FBXO11: variants seen among roughly 807,000 people sequenced by gnomAD.
The protein encoded by FBXO11 is F-box only protein 11.
In FBXO11, 13 loss-of-function variants were observed where a neutral mutation model predicts 117.0. That is an observed-to-expected ratio of 0.11 (90% CI 0.07 to 0.18). The LOEUF (loss-of-function observed/expected upper bound fraction) is 0.18, where lower values mean the gene tolerates loss of function less well. FBXO11 is among the 10% of genes least tolerant of loss of function. FBXO11 has a pLI of 1.00. For synonymous variants in FBXO11, 490 were observed against 380.5 expected (o/e 1.29, Z -3.35); for missense variants, 767 against 1,164.4 (o/e 0.66, Z 4.97).
At chr2:47,857,715 G>A (rs953660664) in intron 1 of FBXO11, among the ~76,000 whole-genome samples, 6 of 152,126 alleles carry the variant, frequency 3.9e-5, no homozygotes, top group African/African-American at 9.7e-5. Flanking sequence ...GCTTTGTCAC[G>A]AGAAGTCACA....
rs1572806551 is a variant in FBXO11 at position 47,832,846 on chromosome 2, T to C, written c.1076A>G (p.Asn359Ser). 1.2e-6 allele frequency: 2 copies of C among 1,614,044 alleles called. No individual in the cohort carries two copies. Among genetic ancestry groups the C allele is most frequent in the Non-Finnish European group, 1.7e-6 (2 of 1,179,956 alleles). The change falls in exon 9 of 23, where the codon AAT becomes AGT. Residue 359 changes from asparagine to serine, a missense_variant. This residue lies in a region of FBXO11 where 123 missense variants were observed against 145.0 expected (regional missense o/e 0.85). Transcript: ENST00000403359. The part of the protein sequence containing the change: ...NPDDKSAQHH[N>S]AHHCLEITVN... ...TGTAATCTCTAAGCAGTGGTGTGCA[T>C]TGTGGTGTTGTGCAGATTTGTCATC... is the stretch of plus-strand genomic sequence containing the variant.
At chr2:47,822,745 T>C (rs1038038777) in intron 12 of FBXO11, among the ~76,000 whole-genome samples, 1 of 152,246 alleles carries the variant, frequency 6.6e-6, no homozygotes, top group African/African-American at 2.4e-5. Flanking sequence ...TTTTAGTCTT[T>C]CTGGCCAAGA....
intron 1 of FBXO11, chr2:47,888,737 T>A: frequency 1.2e-6 from 1 of 850,296 alleles, no homozygotes; most frequent in Non-Finnish European, 1.4e-6. Flanking sequence ...CATGTGTTTA[T>A]ACACACCCAA....
chr2:47,896,786 C>T (rs1378997873), intron 1 of FBXO11, among the ~76,000 whole-genome samples: 1 of 152,170 alleles, frequency 6.6e-6, no homozygotes, highest in African/African-American at 2.4e-5. Context: ...ATAGTGGCTA[C>T]TTTTATGTAT....
chr2:47,885,478 G>C (rs1416581283), intron 1 of FBXO11, among the ~76,000 whole-genome samples: 1 of 152,100 alleles, frequency 6.6e-6, no homozygotes, highest in Non-Finnish European at 1.5e-5. Flanking sequence ...GGGAGGCTGA[G>C]GCACGAGAAA....
intron 1 of FBXO11, among the ~76,000 whole-genome samples, chr2:47,886,930 T>C (rs1676896772): frequency 6.6e-6 from 1 of 152,096 alleles, no homozygotes; most frequent in African/African-American, 2.4e-5. Context: ...TTCCAGCTAA[T>C]CGAGAGGCAG....
At chr2:47,864,110 C>T (rs1334641608) in intron 1 of FBXO11, among the ~76,000 whole-genome samples, 2 of 152,158 alleles carry the variant, frequency 1.3e-5, no homozygotes, top group Non-Finnish European at 2.9e-5. Flanking sequence ...TTTACAAAGG[C>T]ATGTGACTTC....
At position 47,807,275 on chromosome 2, in the gene FBXO11, T is replaced by C; in HGVS notation, c.*843A>G. On this transcript the variant is annotated 3_prime_UTR_variant, in exon 23 of 23. Transcript: ENST00000403359. ...GACTGTTTGTTTTGAAGAGACTTTC[T>C]AAAGTGTACTTAAAACATAGTAGTT... The C allele has an allele frequency of 4.5e-6, 1 of 223,434 alleles. No individual in the cohort carries two copies. The highest frequency in any genetic ancestry group is 2.2e-5 in the African/African-American group (1 of 44,616). 13.8% of individuals were successfully genotyped at this position (223,434 alleles called of 1,614,324 possible).
chr2:47,841,464 T>C (rs946431586), intron 1 of FBXO11, among the ~76,000 whole-genome samples: 3 of 152,282 alleles, frequency 2.0e-5, no homozygotes, highest in African/African-American at 4.8e-5. Context: ...ATATCTCCTA[T>C]ACCACTACCT....
intron 18 of FBXO11, among the ~76,000 whole-genome samples, chr2:47,811,936 G>A (rs190564180): frequency 2.0e-5 from 3 of 152,104 alleles, no homozygotes; most frequent in East Asian, 1.9e-4. Flanking sequence ...TCATTAACAT[G>A]TCCCACCCCC....
chr2:47,876,946 A>C (rs1415864444), intron 1 of FBXO11, among the ~76,000 whole-genome samples: 2 of 151,116 alleles, frequency 1.3e-5, no homozygotes, highest in Non-Finnish European at 2.9e-5. Flanking sequence ...CTCTTACTAC[A>C]TTCTGGGTGA....
chr2:47,868,923 G>A (rs1319315442), intron 1 of FBXO11, among the ~76,000 whole-genome samples: 5 of 152,208 alleles, frequency 3.3e-5, no homozygotes, highest in Non-Finnish European at 7.3e-5. Flanking sequence ...AGGCAGCAAT[G>A]GGCCCATGTT....
intron 1 of FBXO11, among the ~76,000 whole-genome samples, chr2:47,870,773 A>C (rs1675565044): frequency 1.3e-5 from 2 of 152,200 alleles, no homozygotes; most frequent in South Asian, 4.1e-4. Flanking sequence ...GCACTCACAA[A>C]TTTTACTTAT....
At chr2:47,903,541 A>G (rs946418957) in intron 1 of FBXO11, among the ~76,000 whole-genome samples, 9 of 152,224 alleles carry the variant, frequency 5.9e-5, no homozygotes, top group Non-Finnish European at 1.0e-4. Flanking sequence ...ATTTTGAACA[A>G]ATGAATAAAA....
chr2:47,831,984 C>A (rs1672229001), intron 11 of FBXO11, among the ~76,000 whole-genome samples: 1 of 151,750 alleles, frequency 6.6e-6, no homozygotes, highest in Non-Finnish European at 1.5e-5. Context: ...AATACATATT[C>A]TAAGCCCCAT....
chr2:47,861,454 G>C (rs1029320565), intron 1 of FBXO11, among the ~76,000 whole-genome samples: 3 of 151,712 alleles, frequency 2.0e-5, no homozygotes, highest in Admixed American at 1.3e-4. Context: ...AAGTAGCTGA[G>C]CCCACAGGTG....
chr2:47,847,354 A>T (rs944222944), intron 1 of FBXO11, among the ~76,000 whole-genome samples: 3 of 152,244 alleles, frequency 2.0e-5, no homozygotes, highest in African/African-American at 7.2e-5. Context: ...AACACTGTAG[A>T]CAATTGTAAC....
intron 1 of FBXO11, among the ~76,000 whole-genome samples, chr2:47,859,076 A>G (rs1042818017): frequency 1.8e-4 from 28 of 151,782 alleles, no homozygotes; most frequent in Admixed American, 9.2e-4. Flanking sequence ...AAAGAAAAGA[A>G]AAAGTATTAA....
chr2:47,905,738 C>T lies in FBXO11; in HGVS notation c.-18G>A. The T allele has an allele frequency of 7.0e-7, 1 of 1,424,810 alleles. No homozygotes were observed. The highest frequency in any genetic ancestry group is 3.4e-5 in the East Asian group (1 of 29,684). The allele number at this position is 1,424,810 out of a possible 1,614,324, so 88.3% of individuals were successfully genotyped here. On this transcript the variant is annotated 5_prime_UTR_variant, in exon 1 of 23. Transcript: ENST00000403359. ...GAGTTCATTTGCCGGGCTGAGGTGG[C>T]GGCGTTGGCGGAGGGACACACACAC...
Sources: gnomAD v4.1 joint callset for allele counts (sites outside exome capture counted in the v4.1 genomes callset) on GRCh38, gnomAD v4.1.1 for gene constraint, gnomAD v4.1.1 regional missense constraint, MANE v1.5 for transcripts, NCBI Gene and HGNC (gene_info 2026-07-23, HGNC 2026-07-21) for gene names.